The following ARID1B variants were observed in gnomAD, a reference collection of about 807,000 sequenced individuals.
ARID1B encodes AT-rich interactive domain-containing protein 1B.
Under a neutral mutation model 212.3 loss-of-function variants are expected in ARID1B, and 30 were observed. The observed-to-expected ratio is 0.14, with a 90% CI of 0.11 to 0.19. The LOEUF (loss-of-function observed/expected upper bound fraction) is 0.19. ARID1B is among the 10% of genes least tolerant of loss of function. The pLI, the probability that ARID1B is intolerant of heterozygous loss-of-function variation, is 1.00. For synonymous variants in ARID1B, 1,402 were observed against 1,301.7 expected (o/e 1.08, Z -1.66); for missense variants, 2,891 against 3,204.0 (o/e 0.90, Z 2.36).
At chr6:156,845,973 G>A (rs1784201353) in intron 2 of ARID1B, among the ~76,000 whole-genome samples, 1 of 151,844 alleles carries the variant, frequency 6.6e-6, no homozygotes, top group South Asian at 2.1e-4. Context: ...CCATGAACTT[G>A]TTTTGTTCAC....
chr6:156,896,161 T>C (rs1788366716), intron 2 of ARID1B, among the ~76,000 whole-genome samples: 1 of 152,242 alleles, frequency 6.6e-6, no homozygotes, highest in Non-Finnish European at 1.5e-5. Flanking sequence ...TCAATTGTAG[T>C]AGACAGGACT....
chr6:156,835,422 C>CT (rs1261257486), intron 2 of ARID1B, among the ~76,000 whole-genome samples: 2 of 151,866 alleles, frequency 1.3e-5, no homozygotes, highest in Admixed American at 6.6e-5. Flanking sequence ...AATCTTTAGC[C>CT]TTTTTCCGAA....
At chr6:157,179,587 T>C (rs1190736161) in intron 11 of ARID1B, among the ~76,000 whole-genome samples, 1 of 152,222 alleles carries the variant, frequency 6.6e-6, no homozygotes, top group Non-Finnish European at 1.5e-5. Context: ...TTCTAAAATA[T>C]AAAACAACTA....
chr6:157,132,155 A>G (rs1788594075), intron 6 of ARID1B, among the ~76,000 whole-genome samples: 1 of 152,218 alleles, frequency 6.6e-6, no homozygotes, highest in African/African-American at 2.4e-5. Context: ...AGAAGACACA[A>G]CTGGGGCTGG....
chr6:156,924,869 T>G (rs1791096626), intron 3 of ARID1B, among the ~76,000 whole-genome samples: 1 of 152,248 alleles, frequency 6.6e-6, no homozygotes, highest in Admixed American at 6.5e-5. Context: ...TTTGCCTTTA[T>G]GACTTTATTA....
At chr6:156,936,519 A>G (rs1792236819) in intron 4 of ARID1B, 1 of 150,890 alleles carries the variant, frequency 6.6e-6, no homozygotes, top group African/African-American at 2.4e-5. Context: ...AATTTAAAGG[A>G]AGTCTTCTTT....
intron 6 of ARID1B, among the ~76,000 whole-genome samples, chr6:157,117,435 G>A (rs1787392177): frequency 1.3e-5 from 2 of 152,050 alleles, no homozygotes; most frequent in Admixed American, 6.6e-5. Context: ...ATCAGATTTC[G>A]AGTCACATTC....
intron 2 of ARID1B, among the ~76,000 whole-genome samples, chr6:156,881,132 T>G (rs1787053472): frequency 6.6e-6 from 1 of 152,166 alleles, no homozygotes; most frequent in East Asian, 1.9e-4. Flanking sequence ...AAGTTAGGTC[T>G]TCTCCTTCTC....
intron 1 of ARID1B, among the ~76,000 whole-genome samples, chr6:156,804,887 A>G (rs1562397987): frequency 6.8e-6 from 1 of 147,710 alleles, no homozygotes; most frequent in African/African-American, 2.7e-5. Context: ...AAAAAAAAAA[A>G]AAGAAATTGG....
chr6:157,110,613 G>A, intron 6 of ARID1B, 52 bp downstream of exon 6: 1 of 1,560,290 alleles, frequency 6.4e-7, no homozygotes, highest in Non-Finnish European at 8.8e-7. Context: ...AGGCGATAAG[G>A]CGTACGTGAG....
intron 2 of ARID1B, among the ~76,000 whole-genome samples, chr6:156,880,048 C>A (rs1196935760): frequency 6.6e-6 from 1 of 152,180 alleles, no homozygotes; most frequent in Admixed American, 6.5e-5. Context: ...AGCCCAGATG[C>A]CCCCTGATGG....
At chr6:157,188,412 C>T (rs1369441312) in intron 13 of ARID1B, among the ~76,000 whole-genome samples, 2 of 152,088 alleles carry the variant, frequency 1.3e-5, no homozygotes, top group African/African-American at 2.4e-5. Context: ...TGAGGCTTTC[C>T]GAGTAGAAAT....
At chr6:156,935,151 C>T (rs957074012) in intron 3 of ARID1B, among the ~76,000 whole-genome samples, 22 of 151,522 alleles carry the variant, frequency 1.5e-4, no homozygotes, top group African/African-American at 4.1e-4. Flanking sequence ...TGGAGTGCAG[C>T]GGTGCAGTCA....
Position 157,105,247 on chromosome 6 carries a change from T to C in ARID1B, c.2492-5225T>C, listed in dbSNP as rs1056510901. On this transcript the variant is annotated intron_variant, in intron 5 of 19. Transcript: ENST00000636930. ...AACTAGGGTGAATTCCTCTTTAACCTTGGTGTAGAGAGAATAGCTTCCTAA... is the reference window on the plus strand; with the variant it reads ...AACTAGGGTGAATTCCTCTTTAACCCTGGTGTAGAGAGAATAGCTTCCTAA... 3.9e-5 allele frequency among the ~76,000 whole-genome samples: 6 copies of C among 152,246 alleles called. No individual in the cohort carries two copies. The South Asian group carries it at 1.2e-3, about 32-fold the overall frequency.
intron 2 of ARID1B, among the ~76,000 whole-genome samples, chr6:156,890,474 T>G (rs1350628659): frequency 6.6e-6 from 1 of 152,250 alleles, no homozygotes; most frequent in East Asian, 1.9e-4. Context: ...TTTTTAAATT[T>G]CTAAGCTAAT....
chr6:156,885,934 C>T (rs758799601), intron 2 of ARID1B, among the ~76,000 whole-genome samples: 33 of 152,010 alleles, frequency 2.2e-4, no homozygotes, highest in Non-Finnish European at 3.5e-4. Context: ...TCTGAAAATC[C>T]AAAATTAGAA....
chr6:157,195,454 T>C (rs565865659), intron 15 of ARID1B: 1 of 152,374 alleles, frequency 6.6e-6, no homozygotes, highest in African/African-American at 2.4e-5. Flanking sequence ...TTGCTTCCTC[T>C]CTAAGCTCTA....
chr6:157,206,061 G>C lies in ARID1B; in HGVS notation c.5395-106G>C. 1 of 1,238,290 alleles carries C rather than the reference G, an allele frequency of 8.1e-7. No individual in the cohort carries two copies. Among genetic ancestry groups the C allele is most frequent in the African/African-American group, 1.5e-5 (1 of 66,542 alleles). The allele number at this position is 1,238,290 out of a possible 1,614,324, so 76.7% of individuals were successfully genotyped here. On this transcript the variant is annotated intron_variant, in intron 19 of 19. Transcript: ENST00000636930. The surrounding 1 kb of genome is among the most constrained non-coding windows in gnomAD (Gnocchi z 6.8). ...AAAAGGGAGACAAACGTGTGACAAT[G>C]ATGGAAAGGTATTGACGGGTCTCAG...
At chr6:156,915,724 T>C (rs1283756612) in intron 3 of ARID1B, among the ~76,000 whole-genome samples, 1 of 152,050 alleles carries the variant, frequency 6.6e-6, no homozygotes, top group Non-Finnish European at 1.5e-5. Flanking sequence ...GGTGAAACCC[T>C]GTCTCTACTA....
Sources: gnomAD v4.1 joint callset for allele counts (sites outside exome capture counted in the v4.1 genomes callset) on GRCh38, gnomAD v4.1.1 for gene constraint, Gnocchi (gnomAD v3.1) non-coding constraint, MANE v1.5 for transcripts, NCBI Gene and HGNC (gene_info 2026-07-23, HGNC 2026-07-21) for gene names.